The following LAMC3 variants were observed in gnomAD, a reference collection of about 807,000 sequenced individuals.
LAMC3 encodes the protein laminin subunit gamma 3.
In LAMC3, 128 loss-of-function variants were observed where a neutral mutation model predicts 173.8. The observed-to-expected ratio is 0.74, with a 90% confidence interval of 0.64 to 0.85. LAMC3 has a LOEUF of 0.85. Among genes scored for constraint, LAMC3 ranks in the 40% least tolerant of loss-of-function variants. The probability of loss-of-function intolerance (pLI) is 0.00; values close to 1 mark genes in which losing one functional copy is unlikely to be tolerated. For missense variants in LAMC3, 2,022 were observed against 2,156.0 expected (o/e 0.94, Z 1.23); for synonymous variants, 897 against 909.1 (o/e 0.99, Z 0.24).
intron 7 of LAMC3, among the ~76,000 whole-genome samples, chr9:131,042,925 C>CT (rs1834081905): frequency 6.6e-6 from 1 of 150,770 alleles, no homozygotes; most frequent in Non-Finnish European, 1.5e-5. Flanking sequence ...ACCATCAACT[C>CT]TCCCCTTTCA....
chr9:131,026,596 G>C lies in LAMC3; in HGVS notation c.678+7G>C. 6.4e-7 allele frequency: 1 copy of C among 1,574,134 alleles called. No homozygotes were observed. Among genetic ancestry groups the C allele is most frequent in the Non-Finnish European group, 8.6e-7 (1 of 1,160,300 alleles). Reference sequence around the variant, plus strand: ...GGAGAGCCCTGGGCTGCAGGTCAGGGAGGAGCGGGGCTTCGGAGGTTGGGA... The same window carrying C: ...GGAGAGCCCTGGGCTGCAGGTCAGGCAGGAGCGGGGCTTCGGAGGTTGGGA... On this transcript the variant is annotated splice_region_variant and intron_variant, in intron 2 of 27. Transcript: ENST00000361069. The surrounding 1 kb of genome is among the most constrained non-coding windows in gnomAD (Gnocchi z 4.8).
chr9:131,053,086 G>C, intron 11 of LAMC3, 121 bp downstream of exon 11: 1 of 794,268 alleles, frequency 1.3e-6, no homozygotes, highest in East Asian at 2.7e-5. Flanking sequence ...GTCCTGTTTT[G>C]CCAAGAAGGA....
At chr9:131,044,948 C>T (rs1276862955) in intron 7 of LAMC3, among the ~76,000 whole-genome samples, 2 of 152,120 alleles carry the variant, frequency 1.3e-5, no homozygotes, top group African/African-American at 4.8e-5. Context: ...AGTCGCTGGG[C>T]GCGGTGGCTC....
At chr9:131,075,203 G>A (rs906331502) in intron 20 of LAMC3, among the ~76,000 whole-genome samples, 1 of 152,140 alleles carries the variant, frequency 6.6e-6, no homozygotes, top group African/African-American at 2.4e-5. Context: ...AGGAGTTTGA[G>A]GTTGCAGTGA....
intron 27 of LAMC3, among the ~76,000 whole-genome samples, chr9:131,090,204 G>T (rs1830399830): frequency 6.6e-6 from 1 of 152,210 alleles, no homozygotes; most frequent in African/African-American, 2.4e-5. Context: ...GTAGCCACTA[G>T]TCGACACCTA....
chr9:131,087,409 G>A (rs903597133), intron 25 of LAMC3, 67 bp from the exon 26 acceptor site: 6 of 1,583,214 alleles, frequency 3.8e-6, no homozygotes, highest in South Asian at 2.2e-5. Flanking sequence ...TGCCATAAGA[G>A]CTATTTACCT....
At chr9:131,017,901 C>T (rs1400143542) in intron 1 of LAMC3, among the ~76,000 whole-genome samples, 1 of 151,686 alleles carries the variant, frequency 6.6e-6, no homozygotes, top group Non-Finnish European at 1.5e-5. Flanking sequence ...TGGCGTGTGC[C>T]TGTAATCCCA....
chr9:131,087,634 AG>A lies in LAMC3; in HGVS notation c.4377+15del. 8.7e-6 allele frequency: 14 copies of A among 1,613,806 alleles called. No homozygotes were observed. The highest frequency in any genetic ancestry group is 1.2e-5 in the Non-Finnish European group (14 of 1,179,868). The stretch of plus-strand genomic sequence containing the variant: ...AGGAAGCTGAGCGGGTACGTTTGCC[AG>A]GGCCCCTACCCTATCGCCTCCTGCC... On this transcript the variant is annotated intron_variant, in intron 26 of 27. Coordinates refer to ENST00000361069, the MANE Select transcript of LAMC3 (RefSeq NM_006059.4).
At chr9:131,030,639 T>C (rs1210418326) in intron 2 of LAMC3, among the ~76,000 whole-genome samples, 1 of 152,234 alleles carries the variant, frequency 6.6e-6, no homozygotes, top group Non-Finnish European at 1.5e-5. Context: ...ACTTCAGGGT[T>C]ACCGTGAGGC....
chr9:131,043,665 A>C (rs919680492), intron 7 of LAMC3, among the ~76,000 whole-genome samples: 2 of 152,256 alleles, frequency 1.3e-5, no homozygotes, highest in Admixed American at 1.3e-4. Context: ...ATGGGCATGA[A>C]GAGACAAACC....
chr9:131,044,857 A>G (rs1353721313), intron 7 of LAMC3, among the ~76,000 whole-genome samples: 1 of 152,220 alleles, frequency 6.6e-6, no homozygotes, highest in African/African-American at 2.4e-5. Context: ...CAAGGATACC[A>G]CTAAATGCAA....
chr9:131,077,676 C>CA (rs56320740), intron 22 of LAMC3, among the ~76,000 whole-genome samples: 375 of 27,724 alleles, frequency 0.014, 114 homozygotes, highest in East Asian at 0.077. Context: ...GACTCCATCT[C>CA]AAAAAAAAAA....
chr9:131,091,929 C>T lies in LAMC3; in HGVS notation c.*142C>T, dbSNP rs1300231771. 2.3e-5 allele frequency: 17 copies of T among 754,126 alleles called. No individual in the cohort carries two copies. The highest frequency in any genetic ancestry group is 9.7e-5 in the Admixed American group (3 of 30,780). The allele number at this position is 754,126 out of a possible 1,614,324, so 46.7% of individuals were successfully genotyped here. On this transcript the variant is annotated 3_prime_UTR_variant, in exon 28 of 28. Transcript: ENST00000361069. ...CTCGCCCCCGTGTGGATAGTCACTC[C>T]CTGCCGATTCTGTCTGTGGCTTCTT... is the stretch of plus-strand genomic sequence containing the variant.
intron 11 of LAMC3, among the ~76,000 whole-genome samples, chr9:131,056,564 GC>G (rs1834409642): frequency 6.6e-6 from 1 of 151,190 alleles, no homozygotes; most frequent in African/African-American, 2.4e-5. Context: ...GGAGGCCAAG[GC>G]AGGAGGATTA....
At chr9:131,030,469 C>G (rs1833805250) in intron 2 of LAMC3, among the ~76,000 whole-genome samples, 1 of 152,172 alleles carries the variant, frequency 6.6e-6, no homozygotes, top group African/African-American at 2.4e-5. Flanking sequence ...GGGATAGACA[C>G]AGGAAGGCAG....
intron 12 of LAMC3, among the ~76,000 whole-genome samples, chr9:131,059,333 A>G (rs1412768750): frequency 1.3e-5 from 2 of 151,548 alleles, no homozygotes; most frequent in African/African-American, 4.9e-5. Flanking sequence ...TCTACTAAAA[A>G]TACAAAAAAT....
At position 131,037,310 on chromosome 9, in the gene LAMC3, T is replaced by C. The variant is rs572086051; in HGVS notation, c.976+978T>C. Among the ~76,000 whole-genome samples the C allele has an allele frequency of 2.4e-3, 369 of 152,294 alleles. 2 individuals are homozygous for C. The highest frequency in any genetic ancestry group is 8.6e-3 in the African/African-American group (356 of 41,560). ...AGCCTGGGAGCCAGGGTTTCAGGCT[T>C]GACCCTTCATCCCCACCCTCACCCG... On this transcript the variant is annotated intron_variant, in intron 4 of 27. Transcript: ENST00000361069.
chr9:131,047,355 G>A (rs910509268), intron 8 of LAMC3, among the ~76,000 whole-genome samples: 16 of 150,776 alleles, frequency 1.1e-4, no homozygotes, highest in Admixed American at 2.6e-4. Flanking sequence ...AGTACAGGTC[G>A]GGGGTTTCAC....
intron 3 of LAMC3, among the ~76,000 whole-genome samples, 200 bp downstream of exon 3, chr9:131,032,375 T>C (rs374122418): frequency 1.3e-5 from 2 of 152,086 alleles, no homozygotes; most frequent in Non-Finnish European, 2.9e-5. Context: ...TCAGCTGATT[T>C]GCCATGTGCC....
Sources: gnomAD v4.1 joint callset for allele counts (sites outside exome capture counted in the v4.1 genomes callset) on GRCh38, gnomAD v4.1.1 for gene constraint, Gnocchi (gnomAD v3.1) non-coding constraint, MANE v1.5 for transcripts, NCBI Gene and HGNC (gene_info 2026-07-23, HGNC 2026-07-21) for gene names.